MICU1: variants seen among roughly 807,000 people sequenced by gnomAD.
MICU1 encodes mitochondrial calcium uptake 1, also known as calcium uptake protein 1, mitochondrial.
MICU1 carries 45 observed loss-of-function variants against 56.8 expected under a neutral mutation model. The observed-to-expected ratio is 0.79, with a 90% CI of 0.62 to 1.02. MICU1 has a LOEUF of 1.02. MICU1 is among the 50% of genes least tolerant of loss of function. The pLI is 0.00. For missense variants in MICU1, 504 were observed against 587.1 expected, an observed-to-expected ratio of 0.86 and a Z score of 1.46; for synonymous variants, 186 against 195.1, an observed-to-expected ratio of 0.95 and a Z score of 0.39.
intron 1 of MICU1, among the ~76,000 whole-genome samples, chr10:72,615,280 G>C (rs537028630): frequency 8.5e-5 from 13 of 152,246 alleles, no homozygotes; most frequent in Middle Eastern, 6.8e-3. Context: ...ACCATGCCCA[G>C]CTAATTTTTG....
intron 3 of MICU1, among the ~76,000 whole-genome samples, chr10:72,556,886 G>A (rs1840172046): frequency 1.3e-5 from 2 of 151,724 alleles, no homozygotes; most frequent in South Asian, 4.2e-4. Flanking sequence ...CCAAAATGGT[G>A]AAACCCAGTA....
chr10:72,378,239 C>T (rs548428745), intron 10 of MICU1, among the ~76,000 whole-genome samples: 2 of 152,170 alleles, frequency 1.3e-5, no homozygotes, highest in East Asian at 1.9e-4. Flanking sequence ...GGTTACAGAG[C>T]GGGACTCTGT....
Position 72,477,221 on chromosome 10 carries a change from A to T in MICU1, c.688T>A (p.Phe230Ile). The change falls in exon 7 of 12, where the codon TTT (phenylalanine) becomes ATT (isoleucine). Residue 230 changes from phenylalanine to isoleucine, a missense_variant. Physicochemically the swap from Phe to Ile is conservative, Grantham distance 21. Transcript: ENST00000361114. ...QRNFEIAFKM[F>I]DLNGDGEVDM... Reference sequence around the variant, plus strand: ...ACTTCTCCATCTCCATTCAAATCAAACATCTTGAAGGCAATTTCAAAATTT... The same window carrying T: ...ACTTCTCCATCTCCATTCAAATCAATCATCTTGAAGGCAATTTCAAAATTT... The T allele has an allele frequency of 6.5e-7, 1 of 1,549,342 alleles. No individual in the cohort carries two copies. Among genetic ancestry groups the T allele is most frequent in the Non-Finnish European group, 8.7e-7 (1 of 1,146,620 alleles).
intron 1 of MICU1, among the ~76,000 whole-genome samples, chr10:72,569,229 A>ATTTTTTTTTTTTTT (rs1246062078): frequency 2.6e-5 from 1 of 37,736 alleles, no homozygotes. Context: ...ATATATATAT[A>ATTTTTTTTTTTTTT]TATATATATT....
At chr10:72,512,174 C>T (rs1867488847) in intron 5 of MICU1, among the ~76,000 whole-genome samples, 1 of 128,124 alleles carries the variant, frequency 7.8e-6, no homozygotes, top group Admixed American at 9.2e-5. Flanking sequence ...TACAGTGGCA[C>T]AATCTCTGCT....
chr10:72,401,077 C>T (rs1049282554), intron 10 of MICU1, among the ~76,000 whole-genome samples: 2 of 152,018 alleles, frequency 1.3e-5, no homozygotes. Context: ...GCTGGGACTA[C>T]AGGTGTGTGC....
At chr10:72,401,391 C>T (rs1464280629) in intron 10 of MICU1, among the ~76,000 whole-genome samples, 2 of 152,172 alleles carry the variant, frequency 1.3e-5, no homozygotes, top group South Asian at 2.1e-4. Context: ...CGGTGGCTCA[C>T]GCCTGTAATC....
intron 10 of MICU1, among the ~76,000 whole-genome samples, chr10:72,399,769 C>A (rs1863390636): frequency 6.6e-6 from 1 of 152,058 alleles, no homozygotes; most frequent in South Asian, 2.1e-4. Context: ...TTGAGACCAG[C>A]CTGGCCAACA....
At chr10:72,469,301 G>C (rs1684398556) in intron 8 of MICU1, among the ~76,000 whole-genome samples, 1 of 152,154 alleles carries the variant, frequency 6.6e-6, no homozygotes, top group Admixed American at 6.5e-5. Context: ...AAATCTCCTG[G>C]ATCTGAAGTT....
chr10:72,496,295 A>C (rs1291424226), intron 6 of MICU1, among the ~76,000 whole-genome samples: 1 of 147,084 alleles, frequency 6.8e-6, no homozygotes, highest in African/African-American at 2.6e-5. Context: ...ACGCCTGGCT[A>C]ATTCCTTTTT....
intron 10 of MICU1, among the ~76,000 whole-genome samples, chr10:72,406,618 AAAAG>A (rs1863639073): frequency 6.6e-6 from 1 of 151,966 alleles, no homozygotes; most frequent in Admixed American, 6.6e-5. Flanking sequence ...TAAAAAAAAA[AAAAG>A]AGAGAGATGG....
At chr10:72,470,904 T>C (rs1478779018) in intron 8 of MICU1, among the ~76,000 whole-genome samples, 1 of 152,222 alleles carries the variant, frequency 6.6e-6, no homozygotes, top group Non-Finnish European at 1.5e-5. Flanking sequence ...CACATCTTGG[T>C]CCAAAGCCTA....
chr10:72,471,296 G>A (rs1865943684), intron 8 of MICU1, among the ~76,000 whole-genome samples: 1 of 152,208 alleles, frequency 6.6e-6, no homozygotes, highest in Non-Finnish European at 1.5e-5. Flanking sequence ...ATGTTGGACA[G>A]GATGGTCTCA....
rs1862919630 is a variant in MICU1, at chr10:72,387,212, A to C, written c.1181-11340T>G. Among the ~76,000 whole-genome samples the C allele has an allele frequency of 1.3e-5, 2 of 152,180 alleles. 1 individual carries two copies. Among genetic ancestry groups the C allele is most frequent in the Non-Finnish European group, 2.9e-5 (2 of 68,036 alleles). The stretch of plus-strand genomic sequence containing the variant: ...ATCATACAATTTCAAATCTGCATGA[A>C]CCCTTAGAGATACTTATAACTCCAA... On this transcript the variant is annotated intron_variant, in intron 10 of 11. Transcript: ENST00000361114.
chr10:72,496,921 T>TA (rs1866865037), intron 6 of MICU1, among the ~76,000 whole-genome samples: 1 of 152,190 alleles, frequency 6.6e-6, no homozygotes, highest in Admixed American at 6.5e-5. Flanking sequence ...ATGGAATTCT[T>TA]ACTATATGCC....
At chr10:72,557,520 C>T (rs1487663410) in intron 3 of MICU1, among the ~76,000 whole-genome samples, 1 of 152,170 alleles carries the variant, frequency 6.6e-6, no homozygotes, top group African/African-American at 2.4e-5. Flanking sequence ...GACACAATAA[C>T]TGACCAAGGT....
At chr10:72,434,177 AAAATTCTCT>A (rs1864635096) in intron 8 of MICU1, among the ~76,000 whole-genome samples, 1 of 152,148 alleles carries the variant, frequency 6.6e-6, no homozygotes, top group Non-Finnish European at 1.5e-5. Flanking sequence ...CTTACTTAGA[AAAATTCTCT>A]AGATGGTTAA....
chr10:72,446,511 T>G (rs1865109915), intron 8 of MICU1, among the ~76,000 whole-genome samples: 1 of 152,070 alleles, frequency 6.6e-6, no homozygotes. Flanking sequence ...TTGTTTTTAG[T>G]AGAGACAGGG....
intron 1 of MICU1, among the ~76,000 whole-genome samples, chr10:72,588,950 T>C (rs1841144703): frequency 6.6e-6 from 1 of 152,182 alleles, no homozygotes; most frequent in Non-Finnish European, 1.5e-5. Flanking sequence ...GAAATTAACA[T>C]AGAGAAATCA....
Sources: gnomAD v4.1 joint callset for allele counts (sites outside exome capture counted in the v4.1 genomes callset) on GRCh38, gnomAD v4.1.1 for gene constraint, MANE v1.5 for transcripts, NCBI Gene and HGNC (gene_info 2026-07-23, HGNC 2026-07-21) for gene names.